The following ABCA2 variants were observed in gnomAD, a reference collection of about 807,000 sequenced individuals.
ABCA2 encodes the protein ATP binding cassette subfamily A member 2, also known as ATP-binding cassette sub-family A member 2.
A neutral mutation model predicts 262.8 loss-of-function variants in ABCA2; 84 were observed. The observed-to-expected ratio is 0.32, with a 90% confidence interval of 0.27 to 0.38. ABCA2 has a LOEUF of 0.38. Among genes scored for constraint, ABCA2 ranks in the 10% least tolerant of loss-of-function variants. The pLI is 1.00. For missense variants in ABCA2, 2,662 were observed against 3,405.9 expected (o/e 0.78, Z 5.44); for synonymous variants, 1,696 against 1,502.9 (o/e 1.13, Z -2.97).
Position 137,012,556 on chromosome 9 carries a change from A to C in ABCA2, c.5116T>G (p.Ser1706Ala), listed in dbSNP as rs1038509562. Reference protein sequence around the residue: ...GAITFGNVLKSIPASFGTRAP... With the variant: ...GAITFGNVLKAIPASFGTRAP... ...CTGGTGCCAAATGAGGCTGGGATGGACTTCAGGACGTTTCCAAAGGTGATG... is the reference window on the plus strand; with the variant it reads ...CTGGTGCCAAATGAGGCTGGGATGGCCTTCAGGACGTTTCCAAAGGTGATG... Residue 1706 changes from serine (S) to alanine (A), a missense_variant, in exon 32 of 49, where the codon TCC becomes GCC. Ser to Ala is a moderately conservative substitution (Grantham distance 99). Coordinates refer to ENST00000341511, the MANE Select transcript of ABCA2 (RefSeq NM_001606.5). The C allele has an allele frequency of 1.9e-6, 3 of 1,611,820 alleles. No individual in the cohort carries two copies. Among genetic ancestry groups the C allele is most frequent in the Non-Finnish European group, 2.5e-6 (3 of 1,179,908 alleles).
chr9:137,023,447 C>T, intron 3 of ABCA2: 1 of 714,624 alleles, frequency 1.4e-6, no homozygotes, highest in Non-Finnish European at 2.6e-6. Context: ...CTCTGGCCAG[C>T]TGGTTAGCAG....
intron 48 of ABCA2, 43 bp downstream of exon 48, chr9:137,008,373 C>T: frequency 6.5e-7 from 1 of 1,546,496 alleles, no homozygotes. Flanking sequence ...AGCCTGGGTC[C>T]AGTGGGCAGA....
chr9:137,028,614 C>G (rs540470282), upstream of ABCA2: 1 of 1,070,878 alleles, frequency 9.3e-7, no homozygotes, highest in African/African-American at 1.8e-5. The surrounding 1 kb of genome is among the most constrained non-coding windows in gnomAD (Gnocchi z 6.9). Flanking sequence ...CCTTCACTGT[C>G]CCCGGGGCGC....
At chr9:137,025,723 G>A (rs1831632555) in intron 1 of ABCA2, among the ~76,000 whole-genome samples, 1 of 152,160 alleles carries the variant, frequency 6.6e-6, no homozygotes, top group South Asian at 2.1e-4. Context: ...ACAGCACGGG[G>A]CGCCAGCCCC....
Position 137,019,360 on chromosome 9 carries a change from G to A in ABCA2, c.1426-54C>T. On this transcript the variant is annotated intron_variant, in intron 10 of 48. Transcript: ENST00000341511. This position sits in a 1 kb window ranked among gnomAD's most constrained non-coding sequence, Gnocchi z 4.4. ...TTTCTGGACGGACCCCCACCGACTT[G>A]GGGGCTCTCACCCCACTCACCTCCC... 1 of 1,594,414 alleles carries A rather than the reference G, an allele frequency of 6.3e-7. No homozygotes were observed. The highest frequency in any genetic ancestry group is 8.6e-7 in the Non-Finnish European group (1 of 1,167,986).
At chr9:137,018,681 C>A in intron 13 of ABCA2, 38 bp downstream of exon 13, 2 of 1,081,514 alleles carry the variant, frequency 1.8e-6, no homozygotes. Context: ...AGGAAGAGGT[C>A]TGTGGGGGGC....
chr9:137,022,005 G>A lies in ABCA2; in HGVS notation c.568-4C>T. 6.3e-7 allele frequency: 1 copy of A among 1,583,252 alleles called. No homozygotes were observed. The highest frequency in any genetic ancestry group is 1.8e-5 in the Admixed American group (1 of 54,288). Reference sequence around the variant, plus strand: ...GACCAAAGAGCAGGTGGTAGACCTAGGAGGTGTGGGGGAATGGCTCAGATG... The same window carrying A: ...GACCAAAGAGCAGGTGGTAGACCTAAGAGGTGTGGGGGAATGGCTCAGATG... On this transcript the variant is annotated splice_polypyrimidine_tract_variant and splice_region_variant and intron_variant, in intron 6 of 48. Coordinates refer to ENST00000341511, the MANE Select transcript of ABCA2 (RefSeq NM_001606.5).
At chr9:137,012,041 C>A (rs1407272648) in intron 34 of ABCA2, 23 bp from the exon 35 acceptor site, 1 of 1,612,340 alleles carries the variant, frequency 6.2e-7, no homozygotes, top group Non-Finnish European at 8.5e-7. Context: ...AGCCCTCAGT[C>A]CTCACGGCCG....
rs760451234 is a variant in ABCA2, at chr9:137,013,289, T to G, written c.4580A>C (p.Gln1527Pro). 12 of 1,575,154 alleles carry G rather than the reference T, an allele frequency of 7.6e-6. No individual in the cohort carries two copies. ...CAGCCGGAACGTGCTCACGAGCTGC[T>G]GGGGGCTGGCGTCGGGCGATAGCCG... is the stretch of plus-strand genomic sequence containing the variant. ...RLRLSPDASP[Q>P]QLVSTFRLPS... Residue 1527 changes from glutamine to proline, a missense_variant, in exon 30 of 49, where the codon CAG (glutamine) becomes CCG (proline). By Grantham distance (76) the Gln-to-Pro change is moderately conservative. Around this residue, in one of 12 missense-constraint regions of ABCA2, gnomAD observed 192 missense variants for 207.2 expected, o/e 0.93. Coordinates refer to ENST00000341511, the MANE Select transcript of ABCA2 (RefSeq NM_001606.5).
At chr9:137,026,554 G>A (rs1193049647) in intron 1 of ABCA2, among the ~76,000 whole-genome samples, 1 of 152,166 alleles carries the variant, frequency 6.6e-6, no homozygotes. Context: ...TGGCCCAGTG[G>A]GCCTCTGGGA....
intron 14 of ABCA2, 42 bp from the exon 15 acceptor site, chr9:137,018,117 C>A (rs1042156895): frequency 1.4e-5 from 22 of 1,609,512 alleles, no homozygotes; most frequent in Non-Finnish European, 1.6e-5. Flanking sequence ...CAGGCCCTCT[C>A]GTCCTCACAC....
intron 3 of ABCA2, chr9:137,023,294 A>G: frequency 4.6e-6 from 3 of 648,778 alleles, no homozygotes; most frequent in Admixed American, 2.2e-5. Flanking sequence ...CCCTTCTGCC[A>G]TAACTCCCAG....
Position 137,019,140 on chromosome 9 carries a change from C to A in ABCA2, c.1554+38G>T. ...GCCGGGCAGAGAGGGGCTCCCCACA[C>A]CACCCACAGCCGCCTCCCTCGCGGG... On this transcript the variant is annotated intron_variant, in intron 11 of 48. Transcript: ENST00000341511. The surrounding 1 kb of genome is among the most constrained non-coding windows in gnomAD (Gnocchi z 4.4). 1 of 1,604,298 alleles carries A rather than the reference C, an allele frequency of 6.2e-7. No homozygotes were observed. Among genetic ancestry groups the A allele is most frequent in the Non-Finnish European group, 8.5e-7 (1 of 1,174,138 alleles).
rs556244401 is a variant in ABCA2, at chr9:137,012,566, G to A, written c.5106C>T (p.Asn1702=). ...LHRYGAITFG[N]VLKSIPASFG... ...ATGAGGCTGGGATGGACTTCAGGAC[G>A]TTTCCAAAGGTGATGGCCCCATACC... is the stretch of plus-strand genomic sequence containing the variant. The change falls in exon 32 of 49, where the codon AAC becomes AAT. Residue 1702 remains asparagine (N), a synonymous_variant. Coordinates refer to ENST00000341511, the MANE Select transcript of ABCA2 (RefSeq NM_001606.5). The A allele has an allele frequency of 1.7e-5, 27 of 1,611,902 alleles. No homozygotes were observed. Among genetic ancestry groups the A allele is most frequent in the African/African-American group, 1.3e-4 (10 of 75,040 alleles).
rs368749276 is a variant in ABCA2 at position 137,015,028 on chromosome 9, T to A, written c.3767A>T (p.Gln1256Leu). 2.3e-5 allele frequency: 37 copies of A among 1,607,338 alleles called. No homozygotes were observed. Among genetic ancestry groups the A allele is most frequent in the Non-Finnish European group, 3.1e-5 (37 of 1,177,214 alleles). Residue 1256 changes from glutamine to leucine, a missense_variant, in exon 25 of 49, where the codon CAG (glutamine) becomes CTG (leucine). Transcript: ENST00000341511. ...LSSCSELQVS[Q>L]FIRKHVASCL... The stretch of plus-strand genomic sequence containing the variant: ...GGAGGCCACATGCTTGCGGATGAAC[T>A]GGGACACCTGGAGCTCGGAGCAGCT...
At chr9:137,028,493 G>T (rs575208371), upstream of ABCA2, among the ~76,000 whole-genome samples, 10 of 151,572 alleles carry the variant, frequency 6.6e-5, no homozygotes, top group African/African-American at 1.9e-4. The surrounding 1 kb of genome is among the most constrained non-coding windows in gnomAD (Gnocchi z 6.9). Context: ...CATCGAATCC[G>T]AGACCCCGGC....
chr9:137,026,785 G>A (rs772800174), intron 1 of ABCA2, among the ~76,000 whole-genome samples: 1 of 152,216 alleles, frequency 6.6e-6, no homozygotes, highest in African/African-American at 2.4e-5. Context: ...CCACCCCCGG[G>A]GACTAATACT....
Position 137,020,374 on chromosome 9 carries a change from C to T in ABCA2, c.1387G>A (p.Ala463Thr). The T allele has an allele frequency of 3.7e-6, 6 of 1,613,106 alleles. No individual in the cohort carries two copies. Among genetic ancestry groups the T allele is most frequent in the East Asian group, 2.2e-5 (1 of 44,880 alleles). ...LMTSNPKILY[A>T]PAGSEVDRVI... ...CGGTCGACCTCAGAGCCCGCAGGCG[C>T]GTACAGGATTTTGGGGTTGCTGGTC... The change falls in exon 10 of 49, where the codon GCG (alanine) becomes ACG (threonine). Residue 463 changes from alanine (A) to threonine (T), a missense_variant. Ala to Thr is a moderately conservative substitution (Grantham distance 58). Coordinates refer to ENST00000341511, the MANE Select transcript of ABCA2 (RefSeq NM_001606.5).
chr9:137,012,979 C>G (rs896582831), intron 30 of ABCA2, 23 bp downstream of exon 30: 11 of 1,481,418 alleles, frequency 7.4e-6, no homozygotes, highest in South Asian at 1.3e-5. Context: ...CCTGCCCCCC[C>G]AGCAGGCCCC....
Sources: allele counts gnomAD v4.1 joint callset (sites outside exome capture counted in the v4.1 genomes callset), GRCh38; gene constraint gnomAD v4.1.1; regional missense constraint gnomAD v4.1.1; non-coding constraint Gnocchi (gnomAD v3.1); transcripts MANE v1.5; gene names NCBI Gene and HGNC (gene_info 2026-07-23, HGNC 2026-07-21).